The following GMDS variants were observed in gnomAD, a reference collection of about 807,000 sequenced individuals.
GMDS encodes the protein GDP-mannose 4,6-dehydratase, also known as GDP-mannose 4,6 dehydratase.
GMDS carries 20 observed loss-of-function variants against 49.9 expected under a neutral mutation model. That is an observed-to-expected ratio of 0.40 (90% CI 0.28 to 0.58). The LOEUF (loss-of-function observed/expected upper bound fraction) is 0.58, where lower values mean the gene tolerates loss of function less well. Ranked by LOEUF, GMDS falls within the 20% of genes least tolerant of loss-of-function variation. GMDS has a pLI of 0.42. For missense variants in GMDS, 362 were observed against 481.4 expected (o/e 0.75, Z 2.32); for synonymous variants, 177 against 178.6 (o/e 0.99, Z 0.07).
intron 1 of GMDS, among the ~76,000 whole-genome samples, chr6:2,227,807 A>G (rs1426516507): frequency 6.6e-6 from 1 of 152,244 alleles, no homozygotes; most frequent in Non-Finnish European, 1.5e-5. Flanking sequence ...CAGCTCCCCA[A>G]GGTCCATGTA....
At chr6:1,733,302 G>A (rs1240257022) in intron 8 of GMDS, among the ~76,000 whole-genome samples, 1 of 152,230 alleles carries the variant, frequency 6.6e-6, no homozygotes, top group Admixed American at 6.5e-5. Flanking sequence ...CTGTGATGAT[G>A]GGCAGATGTC....
At position 1,995,952 on chromosome 6, in the gene GMDS, T is replaced by A. The variant is rs963552847; in HGVS notation, c.346-34986A>T. On this transcript the variant is annotated intron_variant, in intron 4 of 10. Coordinates refer to ENST00000380815, the MANE Select transcript of GMDS (RefSeq NM_001500.4). The stretch of plus-strand genomic sequence containing the variant: ...AAATAGACACATGCTAACTCAAGCA[T>A]GCTTTGCTGAAGTTGGATCTGCAAA... Among the ~76,000 whole-genome samples, 41 of 152,210 alleles carry A rather than the reference T, an allele frequency of 2.7e-4. 1 individual carries two copies. Among genetic ancestry groups the A allele is most frequent in the African/African-American group, 9.6e-4 (40 of 41,464 alleles).
At chr6:1,801,088 T>C (rs755685006) in intron 7 of GMDS, among the ~76,000 whole-genome samples, 2 of 152,206 alleles carry the variant, frequency 1.3e-5, no homozygotes, top group Non-Finnish European at 2.9e-5. Flanking sequence ...AGGTGCTCCC[T>C]GGAGCCCGGA....
intron 9 of GMDS, among the ~76,000 whole-genome samples, chr6:1,631,368 G>A (rs926177654): frequency 2.0e-5 from 3 of 151,990 alleles, no homozygotes; most frequent in South Asian, 2.1e-4. Context: ...TCTTTACCCC[G>A]CACCTTCTCA....
At chr6:1,676,078 G>A (rs1278373992) in intron 9 of GMDS, among the ~76,000 whole-genome samples, 1 of 152,148 alleles carries the variant, frequency 6.6e-6, no homozygotes, top group East Asian at 1.9e-4. Flanking sequence ...AGCAACTGCA[G>A]CAAAGTCTCA....
intron 7 of GMDS, among the ~76,000 whole-genome samples, chr6:1,848,471 G>A (rs901496667): frequency 6.6e-6 from 1 of 152,102 alleles, no homozygotes; most frequent in Non-Finnish European, 1.5e-5. Context: ...GAAAACTCTC[G>A]TCACCTCTCT....
chr6:1,881,876 A>G (rs1404279876), intron 7 of GMDS, among the ~76,000 whole-genome samples: 1 of 152,230 alleles, frequency 6.6e-6, no homozygotes, highest in East Asian at 1.9e-4. Flanking sequence ...GGTAAGAATT[A>G]CCATTAGAAG....
At chr6:1,986,447 T>A (rs1765552176) in intron 4 of GMDS, among the ~76,000 whole-genome samples, 1 of 152,168 alleles carries the variant, frequency 6.6e-6, no homozygotes, top group Non-Finnish European at 1.5e-5. Flanking sequence ...GTGAATTCCC[T>A]ATGAAACCTA....
chr6:1,722,245 A>AT (rs1766410946), intron 9 of GMDS, among the ~76,000 whole-genome samples: 1 of 85,310 alleles, frequency 1.2e-5, no homozygotes, highest in Non-Finnish European at 2.0e-5. Flanking sequence ...TATTATTATT[A>AT]GTAGTAGTAG....
chr6:1,782,902 C>T (rs1052203546), intron 7 of GMDS, among the ~76,000 whole-genome samples: 6 of 152,110 alleles, frequency 3.9e-5, no homozygotes, highest in African/African-American at 1.4e-4. Flanking sequence ...GCCTGTAATC[C>T]CAAAACTTTC....
intron 4 of GMDS, among the ~76,000 whole-genome samples, chr6:2,045,152 C>T (rs1456672848): frequency 1.3e-5 from 2 of 151,892 alleles, no homozygotes; most frequent in African/African-American, 2.4e-5. Flanking sequence ...CTATAAAATT[C>T]ATTTCATTAT....
chr6:2,240,847 G>A (rs1176252374), intron 1 of GMDS, among the ~76,000 whole-genome samples: 1 of 152,160 alleles, frequency 6.6e-6, no homozygotes, highest in Non-Finnish European at 1.5e-5. Flanking sequence ...TGTTCAAAGT[G>A]CATTACTTGT....
chr6:2,183,047 T>C (rs1276872542), intron 1 of GMDS, among the ~76,000 whole-genome samples: 1 of 152,178 alleles, frequency 6.6e-6, no homozygotes, highest in African/African-American at 2.4e-5. Flanking sequence ...ACTGACAATG[T>C]ACCTAGTTAC....
At chr6:2,151,771 T>G (rs1776856755) in intron 1 of GMDS, among the ~76,000 whole-genome samples, 1 of 152,162 alleles carries the variant, frequency 6.6e-6, no homozygotes, top group African/African-American at 2.4e-5. Flanking sequence ...GACATCTGTG[T>G]ACTGTAAATT....
intron 9 of GMDS, among the ~76,000 whole-genome samples, chr6:1,698,681 C>A (rs1765432193): frequency 6.6e-6 from 1 of 152,008 alleles, no homozygotes; most frequent in African/African-American, 2.4e-5. Context: ...CTGAGAAGGG[C>A]AGGCATGGGG....
In GMDS at chr6:1,880,088, G is replaced by T. The variant is rs1266340844; in HGVS notation, c.771+50015C>A. On this transcript the variant is annotated intron_variant, in intron 7 of 10. Transcript: ENST00000380815. ...CTTAAATAGAGTTTCTATTACAGGAGTAGAAAGGCACACAGTAAAAATAAA... is the reference window on the plus strand; with the variant it reads ...CTTAAATAGAGTTTCTATTACAGGATTAGAAAGGCACACAGTAAAAATAAA... Among the ~76,000 whole-genome samples the T allele has an allele frequency of 3.9e-5, 6 of 152,102 alleles. No individual in the cohort carries two copies. The East Asian group carries it at 1.2e-3, about 29-fold the overall frequency.
At chr6:2,202,258 A>G (rs1353986702) in intron 1 of GMDS, among the ~76,000 whole-genome samples, 55 of 139,328 alleles carry the variant, frequency 3.9e-4, no homozygotes, top group African/African-American at 8.0e-4. Flanking sequence ...CACCACATGG[A>G]CATCCGAGAT....
chr6:1,733,446 GGAGA>G (rs914177456), intron 8 of GMDS, among the ~76,000 whole-genome samples: 1 of 152,208 alleles, frequency 6.6e-6, no homozygotes, highest in Non-Finnish European at 1.5e-5. Context: ...CAGAACAGGG[GGAGA>G]GAGAGGCCAG....
At chr6:2,012,982 G>C (rs1262526167) in intron 4 of GMDS, among the ~76,000 whole-genome samples, 2 of 152,084 alleles carry the variant, frequency 1.3e-5, no homozygotes, top group Admixed American at 6.6e-5. Flanking sequence ...TCTGACCTAG[G>C]GGAAAAGCAG....
Sources: allele counts gnomAD v4.1 joint callset (sites outside exome capture counted in the v4.1 genomes callset), GRCh38; gene constraint gnomAD v4.1.1; transcripts MANE v1.5; gene names NCBI Gene and HGNC (gene_info 2026-07-23, HGNC 2026-07-21).